The following SLC25A24 variants were observed in gnomAD, a reference collection of about 807,000 sequenced individuals.
SLC25A24 encodes solute carrier family 25 member 24, also known as mitochondrial adenyl nucleotide antiporter SLC25A24.
A neutral mutation model predicts 60.7 loss-of-function variants in SLC25A24; 49 were observed. The ratio of observed to expected loss-of-function variants is 0.81; its 90% CI spans 0.64 to 1.02. The LOEUF is 1.02. Ranked by LOEUF, SLC25A24 falls within the 50% of genes least tolerant of loss-of-function variation. SLC25A24 has a pLI of 0.00. For synonymous variants in SLC25A24, 202 were observed against 200.6 expected (o/e 1.01, Z -0.06); for missense variants, 564 against 586.3 (o/e 0.96, Z 0.39).
At chr1:108,138,152 T>A (rs1455549374) in intron 9 of SLC25A24, among the ~76,000 whole-genome samples, 1 of 152,236 alleles carries the variant, frequency 6.6e-6, no homozygotes, top group Non-Finnish European at 1.5e-5. Context: ...TTAACCAGGT[T>A]GTTTACTTGC....
intron 8 of SLC25A24, 44 bp downstream of exon 8, chr1:108,143,499 G>A: frequency 6.5e-7 from 1 of 1,534,196 alleles, no homozygotes; most frequent in Admixed American, 1.9e-5. Flanking sequence ...ATTCTAACAA[G>A]ATCTAACTGC....
intron 2 of SLC25A24, among the ~76,000 whole-genome samples, chr1:108,184,469 C>T (rs1648050032): frequency 6.6e-6 from 1 of 152,204 alleles, no homozygotes; most frequent in Non-Finnish European, 1.5e-5. Flanking sequence ...TACTACTTTC[C>T]AACCCAAACT....
intron 3 of SLC25A24, among the ~76,000 whole-genome samples, chr1:108,179,307 C>T (rs1375198303): frequency 6.6e-6 from 1 of 152,056 alleles, no homozygotes; most frequent in East Asian, 1.9e-4. Context: ...TAAACTAATA[C>T]AGCCATTATG....
At chr1:108,161,030 C>A in intron 4 of SLC25A24, 152 bp downstream of exon 4, 2 of 500,114 alleles carry the variant, frequency 4.0e-6, no homozygotes, top group Non-Finnish European at 3.5e-6. Flanking sequence ...CTCTATAAAT[C>A]TATGCCTAAT....
intron 3 of SLC25A24, among the ~76,000 whole-genome samples, chr1:108,172,487 A>T (rs889462155): frequency 2.6e-5 from 4 of 152,216 alleles, no homozygotes; most frequent in African/African-American, 9.6e-5. Context: ...AAAGGTGAGC[A>T]AGTGTGTCAG....
intron 1 of SLC25A24, among the ~76,000 whole-genome samples, chr1:108,190,132 T>C (rs956317581): frequency 8.5e-5 from 13 of 152,128 alleles, no homozygotes; most frequent in African/African-American, 2.2e-4. Context: ...CACTTGTGTA[T>C]TGACAGAGAC....
At chr1:108,186,030 C>G in intron 1 of SLC25A24, 76 bp from the exon 2 acceptor site, 1 of 1,184,742 alleles carries the variant, frequency 8.4e-7, no homozygotes, top group African/African-American at 1.6e-5. Flanking sequence ...ATATTTCAAG[C>G]AGATTAGCTG....
intron 5 of SLC25A24, 53 bp downstream of exon 5, chr1:108,157,409 T>C: frequency 6.6e-7 from 1 of 1,525,422 alleles, no homozygotes; most frequent in Non-Finnish European, 8.9e-7. Flanking sequence ...ACCACATTTC[T>C]CATTGTTTTA....
rs1250151279 is a variant in SLC25A24, at chr1:108,200,188, G to A, written c.-50C>T. On this transcript the variant is annotated 5_prime_UTR_variant, in exon 1 of 10. Transcript: ENST00000565488. Reference sequence around the variant, plus strand: ...GCCGAGGAAGTCACGGGAGATCGAGGGCTGCGGGGCGAGACCGGGACCAGC... The same window carrying A: ...GCCGAGGAAGTCACGGGAGATCGAGAGCTGCGGGGCGAGACCGGGACCAGC... The A allele has an allele frequency of 6.7e-7, 1 of 1,490,476 alleles. No homozygotes were observed. Among genetic ancestry groups the A allele is most frequent in the South Asian group, 1.3e-5 (1 of 77,964 alleles). The allele number at this position is 1,490,476 out of a possible 1,614,324, so 92.3% of individuals were successfully genotyped here.
rs553420834 is a variant in SLC25A24, at chr1:108,191,459, C to T, written c.184-5505G>A. ...ACACTTAACTTTAAAAGGAGAAACA[C>T]TGCTTTTTTCTAGGAATTAAAAATC... On this transcript the variant is annotated intron_variant, in intron 1 of 9. Transcript: ENST00000565488. 2.3e-4 allele frequency among the ~76,000 whole-genome samples: 33 copies of T among 140,620 alleles called. 2 individuals carry two copies. Among genetic ancestry groups the T allele is most frequent in the African/African-American group, 8.2e-4 (33 of 40,480 alleles). 92.3% of individuals were successfully genotyped at this position (140,620 alleles called of 152,430 possible).
In SLC25A24 at chr1:108,199,947, G is replaced by GCGACCCACCTCCTCGGCGT; in HGVS notation, c.173_183+8dup. 6.3e-7 allele frequency: 1 copy of GCGACCCACCTCCTCGGCGT among 1,598,786 alleles called. No individual in the cohort carries two copies. The highest frequency in any genetic ancestry group is 8.5e-7 in the Non-Finnish European group (1 of 1,173,300). On this transcript the variant is annotated intron_variant, in intron 1 of 9. Coordinates refer to ENST00000565488, the MANE Select transcript of SLC25A24 (RefSeq NM_013386.5). Reference sequence around the variant, plus strand: ...CCTACGCTCAGGCGGCGCCCCGGCGGCGACCCACCTCCTCGGCGTCCTGGC... The same window carrying GCGACCCACCTCCTCGGCGT: ...CCTACGCTCAGGCGGCGCCCCGGCGGCGACCCACCTCCTCGGCGTCGACCCACCTCCTCGGCGTCCTGGC...
At chr1:108,194,017 A>G (rs1161517575) in intron 1 of SLC25A24, among the ~76,000 whole-genome samples, 2 of 139,528 alleles carry the variant, frequency 1.4e-5, no homozygotes, top group Non-Finnish European at 3.1e-5. Flanking sequence ...CTTTTTATGT[A>G]ATTTATTTTC....
chr1:108,172,402 C>A (rs1381797212), intron 3 of SLC25A24, among the ~76,000 whole-genome samples: 1 of 152,182 alleles, frequency 6.6e-6, no homozygotes, highest in African/African-American at 2.4e-5. Flanking sequence ...GTTCTACAGA[C>A]TGTACAAGCA....
intron 1 of SLC25A24, among the ~76,000 whole-genome samples, chr1:108,195,738 C>A (rs505024): frequency 0.24 from 37,048 of 152,032 alleles, 5,015 homozygotes; most frequent in African/African-American, 0.33. Context: ...GTAGCTCATG[C>A]CTGTAATCTT....
Position 108,157,579 on chromosome 1 carries a change from G to A in SLC25A24, c.552C>T (p.Phe184=), listed in dbSNP as rs1161399544. 1.1e-5 allele frequency: 17 copies of A among 1,613,838 alleles called. No individual in the cohort carries two copies. The highest frequency in any genetic ancestry group is 1.4e-5 in the Non-Finnish European group (16 of 1,180,000). The change falls in exon 5 of 10, where the codon TTC becomes TTT. Residue 184 remains phenylalanine (F), a synonymous_variant. Coordinates refer to ENST00000565488, the MANE Select transcript of SLC25A24 (RefSeq NM_013386.5). The part of the protein sequence containing the change: ...IGDSLTIPDE[F]TEDEKKSGQW... ...GTCCGGATTTTTTTTCGTCTTCCGT[G>A]AATTCATCTGGAATAGTTAAGCTAT...
In SLC25A24 at chr1:108,154,906, G is replaced by T. The variant is rs529189711; in HGVS notation, c.822+77C>A. The T allele has an allele frequency of 8.1e-6, 9 of 1,116,930 alleles. No homozygotes were observed. In the East Asian group the frequency reaches 1.9e-4, roughly 24 times the overall value. The allele number at this position is 1,116,930 out of a possible 1,614,324, so 69.2% of individuals were successfully genotyped here. A position where few individuals can be genotyped will look rare whatever the true frequency, so the allele number is the denominator to read the frequency against. On this transcript the variant is annotated intron_variant, in intron 6 of 9. Transcript: ENST00000565488. ...ATGTATTAAAACAAGAATCCCAAAAGCATTATACATTAACATTTATTGAAT... is the reference window on the plus strand; with the variant it reads ...ATGTATTAAAACAAGAATCCCAAAATCATTATACATTAACATTTATTGAAT...
chr1:108,192,462 A>G, intron 1 of SLC25A24: 1 of 1,417,318 alleles, frequency 7.1e-7, no homozygotes, highest in East Asian at 2.8e-5. Flanking sequence ...CCCAGCCCCA[A>G]CGTCTCTCTG....
In SLC25A24 at chr1:108,185,920, C is replaced by T. The variant is rs1168013666; in HGVS notation, c.218G>A (p.Gly73Glu). Residue 73 changes from glycine to glutamate, a missense_variant, in exon 2 of 10, where the codon GGG becomes GAG. Gly to Glu is a moderately conservative substitution (Grantham distance 98). Coordinates refer to ENST00000565488, the MANE Select transcript of SLC25A24 (RefSeq NM_013386.5). The stretch of plus-strand genomic sequence containing the variant: ...CATAAATTCTTCAAAATCCAGCTTC[C>T]CATCTTTGTTGACATCTCCAGTAGT... ...IFTTGDVNKDGKLDFEEFMKY... is the reference protein window; with the variant it reads ...IFTTGDVNKDEKLDFEEFMKY... 1 of 1,597,860 alleles carries T rather than the reference C, an allele frequency of 6.3e-7. No individual in the cohort carries two copies. Among genetic ancestry groups the T allele is most frequent in the South Asian group, 1.1e-5 (1 of 88,416 alleles).
At chr1:108,186,143 G>C (rs542576172) in intron 1 of SLC25A24, among the ~76,000 whole-genome samples, 189 bp from the exon 2 acceptor site, 55 of 152,282 alleles carry the variant, frequency 3.6e-4, no homozygotes, top group Non-Finnish European at 7.2e-4. Context: ...AAAAGATTCT[G>C]AGTCTTGTGT....
Sources: gnomAD v4.1 joint callset for allele counts (sites outside exome capture counted in the v4.1 genomes callset) on GRCh38, gnomAD v4.1.1 for gene constraint, MANE v1.5 for transcripts, NCBI Gene and HGNC (gene_info 2026-07-23, HGNC 2026-07-21) for gene names.